NTRK2: variants seen among roughly 807,000 people sequenced by gnomAD.
NTRK2 encodes the protein neurotrophic receptor tyrosine kinase 2.
NTRK2 carries 13 observed loss-of-function variants against 94.5 expected under a neutral mutation model. That is an observed-to-expected ratio of 0.14 (90% CI 0.09 to 0.22). NTRK2 has a LOEUF of 0.22. Among genes scored for constraint, NTRK2 ranks in the 10% least tolerant of loss-of-function variants. NTRK2 has a pLI of 1.00. For missense variants in NTRK2, 639 were observed against 1,071.2 expected (o/e 0.60, Z 5.63); for synonymous variants, 372 against 407.4 (o/e 0.91, Z 1.05).
At chr9:84,926,003 G>C (rs2077751698) in intron 14 of NTRK2, among the ~76,000 whole-genome samples, 1 of 152,158 alleles carries the variant, frequency 6.6e-6, no homozygotes, top group Non-Finnish European at 1.5e-5. Flanking sequence ...AGAGAAGGAA[G>C]TCATATTTAC....
intron 12 of NTRK2, among the ~76,000 whole-genome samples, chr9:84,829,196 G>A (rs890185760): frequency 1.3e-5 from 2 of 151,856 alleles, no homozygotes; most frequent in South Asian, 2.1e-4. Context: ...ATGGGGTTTC[G>A]CCATATTGTC....
intron 2 of NTRK2, among the ~76,000 whole-genome samples, chr9:84,688,131 C>A (rs2059830132): frequency 6.6e-6 from 1 of 152,136 alleles, no homozygotes; most frequent in African/African-American, 2.4e-5. Context: ...GTAGGGAATT[C>A]TGGGATCCTG....
At chr9:84,854,946 CAAAAAAAAAA>C (rs149925184) in intron 12 of NTRK2, among the ~76,000 whole-genome samples, 1 of 63,362 alleles carries the variant, frequency 1.6e-5, no homozygotes, top group East Asian at 7.6e-4. Flanking sequence ...GACTCCGTCT[CAAAAAAAAAA>C]AAAAAAAAAA....
chr9:84,905,019 A>G (rs2077031508), intron 14 of NTRK2, among the ~76,000 whole-genome samples: 1 of 152,190 alleles, frequency 6.6e-6, no homozygotes. Flanking sequence ...TGGTGCTGAT[A>G]TGACTATGTA....
chr9:84,872,337 C>G, intron 14 of NTRK2: 2 of 1,103,596 alleles, frequency 1.8e-6, no homozygotes, highest in Non-Finnish European at 2.2e-6. Flanking sequence ...AGCAAAATCC[C>G]CAAATCATCA....
intron 2 of NTRK2, among the ~76,000 whole-genome samples, chr9:84,676,835 G>C (rs935422774): frequency 1.1e-4 from 16 of 152,190 alleles, no homozygotes; most frequent in African/African-American, 3.6e-4. Flanking sequence ...ACATGGCTAA[G>C]TCTGTGCAAA....
At chr9:84,996,662 C>T (rs1326301872) in intron 17 of NTRK2, among the ~76,000 whole-genome samples, 2 of 152,196 alleles carry the variant, frequency 1.3e-5, no homozygotes, top group Non-Finnish European at 2.9e-5. Context: ...AGTGAGTACT[C>T]TATTCTAGGT....
Position 84,722,160 on chromosome 9 carries a change from CTTTTTTTTTTT to C in NTRK2, c.584-1399_584-1389del, listed in dbSNP as rs36100177. On this transcript the variant is annotated intron_variant, in intron 6 of 18. Transcript: ENST00000277120. ...CCTGTATAACTCTGGCTATTAGGGG[CTTTTTTTTTTT>C]TTTTTTTTTTTTTGAAACCCCATGA... is the stretch of plus-strand genomic sequence containing the variant. Among the ~76,000 whole-genome samples, 69 of 67,078 alleles carry C rather than the reference CTTTTTTTTTTT, an allele frequency of 1.0e-3. 1 individual carries two copies. Among genetic ancestry groups the C allele is most frequent in the Non-Finnish European group, 5.5e-4 (20 of 36,216 alleles). 44.0% of individuals were successfully genotyped at this position (67,078 alleles called of 152,430 possible).
At chr9:84,695,662 T>C (rs62561188) in intron 2 of NTRK2, among the ~76,000 whole-genome samples, 2,404 of 152,326 alleles carry the variant, frequency 0.016, 30 homozygotes, top group Non-Finnish European at 0.024. Context: ...TCTAATTCTT[T>C]ATCCACTTTC....
intron 9 of NTRK2, 132 bp from the exon 10 acceptor site, chr9:84,741,760 C>A: frequency 1.4e-6 from 1 of 723,660 alleles, no homozygotes; most frequent in Non-Finnish European, 2.4e-6. Context: ...TTTTGTTTAC[C>A]TGTCCTGTGA....
At chr9:84,815,286 CTGACTA>C in intron 12 of NTRK2, 1 of 1,052,270 alleles carries the variant, frequency 9.5e-7, no homozygotes, top group Non-Finnish European at 1.1e-6. Flanking sequence ...CCCCTAACTA[CTGACTA>C]TGACTGCAGT....
rs192164308 is a variant in NTRK2 at position 84,815,273 on chromosome 9, C to G, written c.1397-45767C>G. 75 of 1,053,578 alleles carry G rather than the reference C, an allele frequency of 7.1e-5. No homozygotes were observed. In the African/African-American group the frequency reaches 1.1e-3, roughly 16 times the overall value. The allele number at this position is 1,053,578 out of a possible 1,614,324, so 65.3% of individuals were successfully genotyped here. A position where few individuals can be genotyped will look rare whatever the true frequency, so the allele number is the denominator to read the frequency against. On this transcript the variant is annotated intron_variant, in intron 12 of 18. Transcript: ENST00000277120. The stretch of plus-strand genomic sequence containing the variant: ...CACCCAGAATGTGTTGAACCAACCC[C>G]CACCCCTAACTACTGACTATGACTG...
rs2077380888 is a variant in NTRK2 at position 84,915,971 on chromosome 9, C to T, written c.1634-18191C>T. 1.3e-5 allele frequency among the ~76,000 whole-genome samples: 2 copies of T among 151,996 alleles called. 1 individual carries two copies. Among genetic ancestry groups the T allele is most frequent in the South Asian group, 4.2e-4 (2 of 4,814 alleles). ...TGACTTTGGGATAATGAGGTTGATA[C>T]AACAGTTTAGACTTAAGGAAAGGAG... On this transcript the variant is annotated intron_variant, in intron 14 of 18. Transcript: ENST00000277120.
chr9:84,863,150 A>C (rs891098191), intron 13 of NTRK2, among the ~76,000 whole-genome samples: 17 of 152,212 alleles, frequency 1.1e-4, no homozygotes, highest in African/African-American at 4.1e-4. Context: ...ACAGCTGCTC[A>C]AGAGTACTAA....
chr9:84,878,608 T>TG (rs1437758849), intron 14 of NTRK2, among the ~76,000 whole-genome samples: 1 of 148,008 alleles, frequency 6.8e-6, no homozygotes, highest in African/African-American at 2.5e-5. Flanking sequence ...CACTCCAGCC[T>TG]GGCGACAGAA....
At chr9:84,767,524 C>G (rs571779692) in intron 12 of NTRK2, among the ~76,000 whole-genome samples, 1 of 152,318 alleles carries the variant, frequency 6.6e-6, no homozygotes, top group South Asian at 2.1e-4. Context: ...TTTCTTGAAT[C>G]ACCATTGGTG....
intron 12 of NTRK2, among the ~76,000 whole-genome samples, chr9:84,853,032 A>T (rs2074860647): frequency 6.6e-6 from 1 of 152,008 alleles, no homozygotes; most frequent in South Asian, 2.1e-4. Flanking sequence ...CTTTTCTCTT[A>T]AGATGAGGAT....
chr9:84,687,832 A>G lies in NTRK2; in HGVS notation c.213-14327A>G, dbSNP rs1490573488. Among the ~76,000 whole-genome samples, 5 of 152,248 alleles carry G rather than the reference A, an allele frequency of 3.3e-5. No homozygotes were observed. In the East Asian group the frequency reaches 9.7e-4, roughly 29 times the overall value. On this transcript the variant is annotated intron_variant, in intron 2 of 18. Transcript: ENST00000277120. ...AGACTTAGGCCAGCTCCTACCATTT[A>G]TACCTTTTATATGGTCTGTTTCAAG...
chr9:84,962,896 G>A (rs926567580), intron 17 of NTRK2, among the ~76,000 whole-genome samples: 2 of 152,214 alleles, frequency 1.3e-5, no homozygotes, highest in African/African-American at 4.8e-5. Context: ...AGTTAGGAAT[G>A]TGTTTAGCCT....
Sources: allele counts gnomAD v4.1 joint callset (sites outside exome capture counted in the v4.1 genomes callset), GRCh38; gene constraint gnomAD v4.1.1; transcripts MANE v1.5; gene names NCBI Gene and HGNC (gene_info 2026-07-23, HGNC 2026-07-21).